Variants in SYNGR1 observed in about 807,000 individuals in gnomAD.
SYNGR1 encodes synaptogyrin 1, also known as synaptogyrin-1.
Under a neutral mutation model 26.1 loss-of-function variants are expected in SYNGR1, and 14 were observed. The ratio of observed to expected loss-of-function variants is 0.54; its 90% CI spans 0.35 to 0.84. SYNGR1 has a LOEUF of 0.84. Among genes scored for constraint, SYNGR1 ranks in the 40% least tolerant of loss-of-function variants. The probability of loss-of-function intolerance (pLI) is 0.01; values close to 1 mark genes in which losing one functional copy is unlikely to be tolerated. For missense variants in SYNGR1, 319 were observed against 332.9 expected, an observed-to-expected ratio of 0.96 and a Z score of 0.33; for synonymous variants, 141 against 150.1, an observed-to-expected ratio of 0.94 and a Z score of 0.44.
rs1468540659 is a variant in SYNGR1 at position 39,350,747 on chromosome 22, G to A, written c.99+638G>A. 6.6e-6 allele frequency among the ~76,000 whole-genome samples: 1 copy of A among 152,228 alleles called. No individual in the cohort carries two copies. The highest frequency in any genetic ancestry group is 1.5e-5 in the Non-Finnish European group (1 of 68,044). Reference sequence around the variant, plus strand: ...GAGGACTTCAATTCCGAGGTGGGGAGTGTCATCTCCTCTCTCATGCCTCAG... The same window carrying A: ...GAGGACTTCAATTCCGAGGTGGGGAATGTCATCTCCTCTCTCATGCCTCAG... On this transcript the variant is annotated intron_variant, in intron 1 of 3. Transcript: ENST00000328933. The surrounding 1 kb of genome is among the most constrained non-coding windows in gnomAD (Gnocchi z 4.3).
At chr22:39,353,215 T>A (rs1352073468) in intron 1 of SYNGR1, among the ~76,000 whole-genome samples, 1 of 152,110 alleles carries the variant, frequency 6.6e-6, no homozygotes, top group African/African-American at 2.4e-5. Flanking sequence ...TTTCTGTTGC[T>A]TTTCCAAAAG....
At chr22:39,351,314 G>A (rs78847354) in intron 1 of SYNGR1, among the ~76,000 whole-genome samples, 5,693 of 152,288 alleles carry the variant, frequency 0.037, 366 homozygotes, top group African/African-American at 0.13. Flanking sequence ...TGGTTGGTAG[G>A]ATGGCTTGGG....
chr22:39,379,408 C>A (rs1030608774), intron 3 of SYNGR1, among the ~76,000 whole-genome samples: 1 of 152,140 alleles, frequency 6.6e-6, no homozygotes, highest in Non-Finnish European at 1.5e-5. Context: ...CCAAGGCAGG[C>A]GGATCACCTG....
chr22:39,361,776 C>G (rs1168328739), intron 1 of SYNGR1, among the ~76,000 whole-genome samples: 1 of 152,132 alleles, frequency 6.6e-6, no homozygotes, highest in Admixed American at 6.5e-5. Context: ...AGGTCTAGCC[C>G]TGAAGGGCTC....
Position 39,382,060 on chromosome 22 carries a change from G to A in SYNGR1, c.*146G>A. 2 of 849,842 alleles carry A rather than the reference G, an allele frequency of 2.4e-6. No individual in the cohort carries two copies. Among genetic ancestry groups the A allele is most frequent in the Non-Finnish European group, 3.8e-6 (2 of 532,670 alleles). 52.6% of individuals were successfully genotyped at this position (849,842 alleles called of 1,614,324 possible). A position where few individuals can be genotyped will look rare whatever the true frequency, so the allele number is the denominator to read the frequency against. ...GTCCAGGGTAGCTCGGGGCAGGGGT[G>A]GGGCAGTCCAGTGTTGGGGACTGTC... is the stretch of plus-strand genomic sequence containing the variant. On this transcript the variant is annotated 3_prime_UTR_variant, in exon 4 of 4. Transcript: ENST00000328933.
intron 1 of SYNGR1, among the ~76,000 whole-genome samples, chr22:39,368,425 A>G (rs1050580350): frequency 1.7e-4 from 26 of 152,162 alleles, no homozygotes; most frequent in African/African-American, 6.0e-4. Context: ...GGACTGAATT[A>G]CCGCCTGGTG....
Position 39,374,468 on chromosome 22 carries a change from G to C in SYNGR1, c.252G>C (p.Leu84=). ...TGCTCGCCTTCCTCACCTGCCTGCT[G>C]TACCTGGCCCTGGACGTGTACTTCC... ...VGVLAFLTCL[L]YLALDVYFPQ... is the part of the protein sequence containing the mutation. Residue 84 remains leucine, a synonymous_variant, in exon 2 of 4, where the codon CTG becomes CTC. Transcript: ENST00000328933. The C allele has an allele frequency of 6.2e-7, 1 of 1,613,960 alleles. No individual in the cohort carries two copies. Among genetic ancestry groups the C allele is most frequent in the Non-Finnish European group, 8.5e-7 (1 of 1,180,030 alleles).
intron 1 of SYNGR1, among the ~76,000 whole-genome samples, chr22:39,359,983 C>T (rs1924391553): frequency 6.6e-6 from 1 of 152,194 alleles, no homozygotes; most frequent in Non-Finnish European, 1.5e-5. Flanking sequence ...CACTGGCCCT[C>T]ACCACCCCTT....
intron 1 of SYNGR1, among the ~76,000 whole-genome samples, chr22:39,371,293 A>G (rs1223007636): frequency 6.6e-6 from 1 of 151,142 alleles, no homozygotes; most frequent in African/African-American, 2.4e-5. Context: ...CCTGACCAAC[A>G]TGGAGGAACC....
At position 39,385,058 on chromosome 22, in the gene SYNGR1, C is replaced by G. The variant is rs558719122; in HGVS notation, c.*3144C>G. Reference sequence around the variant, plus strand: ...TGGTGATTCTTGATCTTCAAAGCCTCGGGGATCCCAGGTTTCCCCATGTAA... The same window carrying G: ...TGGTGATTCTTGATCTTCAAAGCCTGGGGGATCCCAGGTTTCCCCATGTAA... On this transcript the variant is annotated 3_prime_UTR_variant, in exon 4 of 4. Transcript: ENST00000328933. 5 of 398,908 alleles carry G rather than the reference C, an allele frequency of 1.3e-5. No homozygotes were observed. The highest frequency in any genetic ancestry group is 2.1e-5 in the African/African-American group (1 of 48,756). 24.7% of individuals were successfully genotyped at this position (398,908 alleles called of 1,614,324 possible).
chr22:39,379,978 G>A lies in SYNGR1; in HGVS notation c.484-1718G>A, dbSNP rs150875682. ...TCCCCGGGCCGGGAAAGTTTCTGGA[G>A]AAGGCTTTTGCAATAAACCTCTAAG... is the stretch of plus-strand genomic sequence containing the variant. On this transcript the variant is annotated intron_variant, in intron 3 of 3. Coordinates refer to ENST00000328933, the MANE Select transcript of SYNGR1 (RefSeq NM_004711.5). 3.7e-4 allele frequency: 57 copies of A among 152,372 alleles called. 1 individual carries two copies. In the East Asian group the frequency reaches 9.6e-3, roughly 26 times the overall value. 9.4% of individuals were successfully genotyped at this position (152,372 alleles called of 1,614,324 possible).
chr22:39,359,231 G>A (rs1408264571), intron 1 of SYNGR1, among the ~76,000 whole-genome samples: 1 of 152,140 alleles, frequency 6.6e-6, no homozygotes, highest in Admixed American at 6.5e-5. Flanking sequence ...GCCACTTACA[G>A]GACATTGTCC....
At chr22:39,379,118 G>T (rs1925411437) in intron 3 of SYNGR1, among the ~76,000 whole-genome samples, 1 of 152,102 alleles carries the variant, frequency 6.6e-6, no homozygotes, top group Non-Finnish European at 1.5e-5. Flanking sequence ...ACCCTCAGGG[G>T]GCTCTTCACC....
At position 39,384,528 on chromosome 22, in the gene SYNGR1, C is replaced by A. The variant is rs745337198; in HGVS notation, c.*2614C>A. 3 of 398,746 alleles carry A rather than the reference C, an allele frequency of 7.5e-6. No individual in the cohort carries two copies. The allele number at this position is 398,746 out of a possible 1,614,324, so 24.7% of individuals were successfully genotyped here. A position where few individuals can be genotyped will look rare whatever the true frequency, so the allele number is the denominator to read the frequency against. On this transcript the variant is annotated 3_prime_UTR_variant, in exon 4 of 4. Coordinates refer to ENST00000328933, the MANE Select transcript of SYNGR1 (RefSeq NM_004711.5). ...ATGAGAGAGGGTGAGAGATGGAGGG[C>A]GAGATTTGGATGGGACCCAGGGCTC...
rs530780230 is a variant in SYNGR1, at chr22:39,376,285, C to T, written c.483+88C>T. ...GGTGGCCTTTCGCTAGCCTGGGACCCGCTCTGCCTCTGGGAGCCCACACTA... is the reference window on the plus strand; with the variant it reads ...GGTGGCCTTTCGCTAGCCTGGGACCTGCTCTGCCTCTGGGAGCCCACACTA... On this transcript the variant is annotated intron_variant, in intron 3 of 3. Coordinates refer to ENST00000328933, the MANE Select transcript of SYNGR1 (RefSeq NM_004711.5). 36 of 1,603,064 alleles carry T rather than the reference C, an allele frequency of 2.2e-5. No individual in the cohort carries two copies. In the South Asian group the frequency reaches 2.4e-4, roughly 11 times the overall value.
At chr22:39,351,391 G>A (rs1339533331) in intron 1 of SYNGR1, among the ~76,000 whole-genome samples, 4 of 152,232 alleles carry the variant, frequency 2.6e-5, no homozygotes, top group Non-Finnish European at 4.4e-5. Context: ...CCGTCAGATG[G>A]GAGCTGTTTG....
rs553705074 is a variant in SYNGR1, at chr22:39,376,819, G to A, written c.483+622G>A. Among the ~76,000 whole-genome samples, 52 of 152,328 alleles carry A rather than the reference G, an allele frequency of 3.4e-4. No individual in the cohort carries two copies. In the South Asian group the frequency reaches 0.011, roughly 32 times the overall value. ...CAAGCAGGAATAGGGACCTAGAGAAGGCAGAAGTCTGAATTTTTACATGAA... is the reference window on the plus strand; with the variant it reads ...CAAGCAGGAATAGGGACCTAGAGAAAGCAGAAGTCTGAATTTTTACATGAA... On this transcript the variant is annotated intron_variant, in intron 3 of 3. Coordinates refer to ENST00000328933, the MANE Select transcript of SYNGR1 (RefSeq NM_004711.5).
chr22:39,377,682 C>T (rs969996490), intron 3 of SYNGR1: 1 of 1,613,712 alleles, frequency 6.2e-7, no homozygotes, highest in African/African-American at 1.3e-5. Context: ...TGCCTCGGCA[C>T]AGCCGTAGGC....
intron 2 of SYNGR1, chr22:39,374,778 G>A (rs926468845): frequency 6.7e-6 from 4 of 597,284 alleles, no homozygotes; most frequent in African/African-American, 5.6e-5. Flanking sequence ...GGGGAGCGTG[G>A]ATGGGATTCT....
Sources: gnomAD v4.1 joint callset for allele counts (sites outside exome capture counted in the v4.1 genomes callset) on GRCh38, gnomAD v4.1.1 for gene constraint, Gnocchi (gnomAD v3.1) non-coding constraint, MANE v1.5 for transcripts, NCBI Gene and HGNC (gene_info 2026-07-23, HGNC 2026-07-21) for gene names.